The following FAT3 variants were observed in gnomAD, a reference collection of about 807,000 sequenced individuals.
The protein encoded by FAT3 is protocadherin Fat 3.
In FAT3, 95 loss-of-function variants were observed where a neutral mutation model predicts 310.2. The observed-to-expected ratio is 0.31, with a 90% CI of 0.26 to 0.36. FAT3 has a LOEUF of 0.36. FAT3 is among the 10% of genes least tolerant of loss of function. The pLI, the probability that FAT3 is intolerant of heterozygous loss-of-function variation, is 1.00. For synonymous variants in FAT3, 2,314 were observed against 2,192.9 expected, an observed-to-expected ratio of 1.06 and a Z score of -1.54; for missense variants, 5,408 against 5,715.6, an observed-to-expected ratio of 0.95 and a Z score of 1.74.
chr11:92,583,405 G>A (rs1372863224), intron 3 of FAT3, among the ~76,000 whole-genome samples: 2 of 152,004 alleles, frequency 1.3e-5, no homozygotes, highest in Non-Finnish European at 2.9e-5. Flanking sequence ...GATCTAATGG[G>A]AGAAAATGGA....
At chr11:92,614,464 T>C (rs1361424565) in intron 3 of FAT3, among the ~76,000 whole-genome samples, 1 of 152,318 alleles carries the variant, frequency 6.6e-6, no homozygotes, top group East Asian at 1.9e-4. Context: ...TGTGTTCTTA[T>C]TTTGGTTTTG....
intron 1 of FAT3, among the ~76,000 whole-genome samples, chr11:92,279,025 A>G (rs1946353312): frequency 6.6e-6 from 1 of 152,172 alleles, no homozygotes; most frequent in Non-Finnish European, 1.5e-5. Flanking sequence ...TAACTCTTAA[A>G]TAGGAAATGG....
chr11:92,836,142 G>T (rs971907142), intron 15 of FAT3, among the ~76,000 whole-genome samples: 1 of 152,178 alleles, frequency 6.6e-6, no homozygotes, highest in East Asian at 1.9e-4. Flanking sequence ...TATATTTGCT[G>T]TGTGGGAAGG....
chr11:92,838,068 G>A (rs1168027272), intron 17 of FAT3, among the ~76,000 whole-genome samples: 1 of 152,148 alleles, frequency 6.6e-6, no homozygotes, highest in Non-Finnish European at 1.5e-5. Context: ...GAAGAGGGAT[G>A]GTGGATTGGT....
intron 3 of FAT3, among the ~76,000 whole-genome samples, chr11:92,617,038 G>T (rs959419969): frequency 1.2e-4 from 19 of 152,246 alleles, no homozygotes; most frequent in African/African-American, 1.7e-4. Context: ...TGCTAGGTTG[G>T]GGAAGTTCTC....
chr11:92,863,236 C>T (rs1398019323), intron 21 of FAT3, among the ~76,000 whole-genome samples: 1 of 152,054 alleles, frequency 6.6e-6, no homozygotes, highest in Non-Finnish European at 1.5e-5. Flanking sequence ...TGCTACTGTG[C>T]CCAACTCAGG....
chr11:92,635,395 G>A (rs969909577), intron 3 of FAT3, among the ~76,000 whole-genome samples: 2 of 152,090 alleles, frequency 1.3e-5, no homozygotes, highest in African/African-American at 4.8e-5. Flanking sequence ...TTTTCCACTG[G>A]AATTGATTTA....
rs551427581 is a variant in FAT3, at chr11:92,483,398, C to T, written c.3293-41236C>T. On this transcript the variant is annotated intron_variant, in intron 2 of 27. Coordinates refer to ENST00000525166, the MANE Select transcript of FAT3 (RefSeq NM_001367949.2). ...TCTCCCAGGCTGGAGTGCAATGGCG[C>T]GATCTCAGCTCACTGCAACCTCTGC... 1.1e-4 allele frequency among the ~76,000 whole-genome samples: 17 copies of T among 151,858 alleles called. No individual in the cohort carries two copies. The South Asian group carries it at 1.3e-3, about 11-fold the overall frequency.
At position 92,771,137 on chromosome 11, in the gene FAT3, T is replaced by C. The variant is rs139236270; in HGVS notation, c.4196-2904T>C. On this transcript the variant is annotated intron_variant, in intron 6 of 27. Coordinates refer to ENST00000525166, the MANE Select transcript of FAT3 (RefSeq NM_001367949.2). ...CCATTTTGTTGAAACTCAGACCAGC[T>C]CTGCGGTGTCCTCCCTCCTCCCCAC... Among the ~76,000 whole-genome samples, 1,286 of 152,182 alleles carry C rather than the reference T, an allele frequency of 8.5e-3. 26 individuals are homozygous for C. Among genetic ancestry groups the C allele is most frequent in the African/African-American group, 0.03 (1,227 of 41,518 alleles).
rs2136350793 is a variant in FAT3, at chr11:92,867,032, G to A, written c.11950G>A (p.Gly3984Ser). The stretch of plus-strand genomic sequence containing the variant: ...CACGCAGGTGCTCAGCGGCTTCCAG[G>A]GCTGCCTGGACTCGGTGATACTGAA... ...RVTQVLSGFQGCLDSVILNNN... is the reference protein window; with the variant it reads ...RVTQVLSGFQSCLDSVILNNN... Residue 3984 changes from glycine to serine, a missense_variant, in exon 22 of 28, where the codon GGC becomes AGC. Physicochemically the swap from Gly to Ser is moderately conservative, Grantham distance 56. Coordinates refer to ENST00000525166, the MANE Select transcript of FAT3 (RefSeq NM_001367949.2). 9 of 1,592,168 alleles carry A rather than the reference G, an allele frequency of 5.7e-6. No individual in the cohort carries two copies. Among genetic ancestry groups the A allele is most frequent in the Non-Finnish European group, 7.7e-6 (9 of 1,169,444 alleles).
intron 1 of FAT3, among the ~76,000 whole-genome samples, chr11:92,251,015 C>G (rs191087456): frequency 1.3e-5 from 2 of 152,262 alleles, no homozygotes; most frequent in Admixed American, 1.3e-4. Context: ...TACTGTGGAT[C>G]AGTCAAATTC....
At chr11:92,408,798 A>G (rs926051215) in intron 2 of FAT3, among the ~76,000 whole-genome samples, 1 of 152,004 alleles carries the variant, frequency 6.6e-6, no homozygotes, top group Non-Finnish European at 1.5e-5. Flanking sequence ...AAGCATATGA[A>G]CTCCTATGGA....
intron 10 of FAT3, among the ~76,000 whole-genome samples, chr11:92,803,382 C>A (rs547890891): frequency 6.6e-6 from 1 of 152,160 alleles, no homozygotes; most frequent in Non-Finnish European, 1.5e-5. Flanking sequence ...GGCTGTGCTG[C>A]CTCCAATTAA....
At chr11:92,325,644 C>CT (rs1801063817) in intron 1 of FAT3, among the ~76,000 whole-genome samples, 1 of 152,014 alleles carries the variant, frequency 6.6e-6, no homozygotes, top group Non-Finnish European at 1.5e-5. Context: ...GGACATTCTT[C>CT]TTTTTTTGAG....
At chr11:92,738,414 A>C (rs1224471912) in intron 4 of FAT3, among the ~76,000 whole-genome samples, 1 of 152,204 alleles carries the variant, frequency 6.6e-6, no homozygotes, top group Non-Finnish European at 1.5e-5. Flanking sequence ...GCCTACATAC[A>C]GAGCTTTGTC....
intron 4 of FAT3, among the ~76,000 whole-genome samples, chr11:92,714,188 G>A (rs1944606979): frequency 6.6e-6 from 1 of 152,162 alleles, no homozygotes; most frequent in African/African-American, 2.4e-5. Flanking sequence ...TAAATATGCA[G>A]TGGTGATAAT....
chr11:92,831,831 G>T lies in FAT3; in HGVS notation c.9691G>T (p.Asp3231Tyr). Residue 3231 changes from aspartate to tyrosine, a missense_variant, in exon 14 of 28, where the codon GAC becomes TAC. Physicochemically the swap from Asp to Tyr is radical, Grantham distance 160. Around this residue, in one of 5 missense-constraint regions of FAT3, gnomAD observed 4,588 missense variants for 4,809.8 expected, o/e 0.95. Coordinates refer to ENST00000525166, the MANE Select transcript of FAT3 (RefSeq NM_001367949.2). Reference sequence around the variant, plus strand: ...CACCATCACCGTTCTGGACATTAATGACAACCCCCCTGTGTTTGAGAGGAG... The same window carrying T: ...CACCATCACCGTTCTGGACATTAATTACAACCCCCCTGTGTTTGAGAGGAG... Reference protein sequence around the residue: ...TVTITVLDINDNPPVFERRDY... With the variant: ...TVTITVLDINYNPPVFERRDY... 6.2e-7 allele frequency: 1 copy of T among 1,613,698 alleles called. No homozygotes were observed. The highest frequency in any genetic ancestry group is 8.5e-7 in the Non-Finnish European group (1 of 1,179,794).
intron 26 of FAT3, 36 bp from the exon 27 acceptor site, chr11:92,889,820 A>G (rs1360891147): frequency 1.4e-6 from 1 of 717,578 alleles, no homozygotes; most frequent in Non-Finnish European, 2.6e-6. Flanking sequence ...CATGGTTTGG[A>G]CTGTCAGTTT....
At chr11:92,522,645 G>T (rs1953724550) in intron 2 of FAT3, among the ~76,000 whole-genome samples, 1 of 152,086 alleles carries the variant, frequency 6.6e-6, no homozygotes, top group Non-Finnish European at 1.5e-5. Context: ...GTTGGACAGA[G>T]GATTTGTCTC....
Sources: allele counts gnomAD v4.1 joint callset (sites outside exome capture counted in the v4.1 genomes callset), GRCh38; gene constraint gnomAD v4.1.1; regional missense constraint gnomAD v4.1.1; transcripts MANE v1.5; gene names NCBI Gene and HGNC (gene_info 2026-07-23, HGNC 2026-07-21).